Variants in PPA2 observed in about 807,000 individuals in gnomAD.
The protein encoded by PPA2 is inorganic pyrophosphatase 2, also known as inorganic pyrophosphatase 2, mitochondrial.
In PPA2, 48 loss-of-function variants were observed where a neutral mutation model predicts 49.5. The ratio of observed to expected loss-of-function variants is 0.97; its 90% CI spans 0.77 to 1.23. The LOEUF (loss-of-function observed/expected upper bound fraction) is 1.23, where lower values mean the gene tolerates loss of function less well. Ranked by LOEUF, PPA2 falls within the 50% of genes most tolerant of loss-of-function variation. The pLI is 0.00. For synonymous variants in PPA2, 131 were observed against 139.9 expected (o/e 0.94, Z 0.45); for missense variants, 429 against 410.1 (o/e 1.05, Z -0.40).
Position 105,472,792 on chromosome 4 carries a change from AAT to A in PPA2, c.157+1100_157+1101del, listed in dbSNP as rs1578898486. Among the ~76,000 whole-genome samples the A allele has an allele frequency of 2.6e-5, 4 of 152,372 alleles. No individual in the cohort carries two copies. The East Asian group carries it at 7.7e-4, about 29-fold the overall frequency. On this transcript the variant is annotated intron_variant, in intron 1 of 11. Transcript: ENST00000341695. ...CCTAAACTCATGTAGCATAACTGCA[AAT>A]CTCTCATAAATTACAAATATCTATA... is the stretch of plus-strand genomic sequence containing the variant.
intron 6 of PPA2, among the ~76,000 whole-genome samples, chr4:105,431,844 G>A (rs1204165920): frequency 6.6e-6 from 1 of 152,188 alleles, no homozygotes; most frequent in Non-Finnish European, 1.5e-5. Context: ...TACATATCAT[G>A]TGAGACCATT....
chr4:105,455,956 G>A (rs940366124), intron 2 of PPA2: 2 of 193,760 alleles, frequency 1.0e-5, no homozygotes, highest in Non-Finnish European at 2.2e-5. Context: ...GGATTTTAAG[G>A]AAATAACCTA....
intron 7 of PPA2, 197 bp from the exon 8 acceptor site, chr4:105,399,361 C>T: frequency 2.1e-6 from 1 of 478,928 alleles, no homozygotes; most frequent in Non-Finnish European, 3.6e-6. Context: ...ATGTATAATA[C>T]TATTCCTGCA....
In PPA2 at chr4:105,416,021, T is replaced by C. The variant is rs186098337; in HGVS notation, c.655+8175A>G. On this transcript the variant is annotated intron_variant, in intron 7 of 11. Coordinates refer to ENST00000341695, the MANE Select transcript of PPA2 (RefSeq NM_176869.3). ...GAATAAATATCAAAATTGTTACCAA[T>C]TATTCTACATCCAGGACTAGAATGT... Among the ~76,000 whole-genome samples the C allele has an allele frequency of 5.3e-5, 8 of 152,304 alleles. No homozygotes were observed. The East Asian group carries it at 7.7e-4, about 15-fold the overall frequency.
chr4:105,465,577 AG>A (rs1367877390), intron 1 of PPA2, among the ~76,000 whole-genome samples: 2 of 152,162 alleles, frequency 1.3e-5, no homozygotes, highest in African/African-American at 4.8e-5. Context: ...ATTGCATGTG[AG>A]GCCAATTTCT....
intron 7 of PPA2, among the ~76,000 whole-genome samples, chr4:105,402,577 CAG>C (rs1306039998): frequency 2.0e-5 from 3 of 152,132 alleles, no homozygotes; most frequent in South Asian, 2.1e-4. Context: ...AGTGAAAAAA[CAG>C]AAAGTATTAG....
intron 4 of PPA2, chr4:105,447,933 A>AT (rs1722481184): frequency 4.7e-6 from 1 of 213,656 alleles, no homozygotes; most frequent in Non-Finnish European, 9.6e-6. Flanking sequence ...TTTAGTAGAG[A>AT]TGGGGTTTTG....
chr4:105,420,024 G>A (rs1723185125), intron 7 of PPA2, among the ~76,000 whole-genome samples: 1 of 151,632 alleles, frequency 6.6e-6, no homozygotes, highest in Admixed American at 6.6e-5. Flanking sequence ...CTAGGCTGGA[G>A]TGCAATGGCG....
chr4:105,386,567 C>T lies in PPA2; in HGVS notation c.939G>A (p.Ser313=), dbSNP rs751225265. The change falls in exon 10 of 12, where the codon TCG becomes TCA. Residue 313 remains serine (S), a splice_region_variant and synonymous_variant. Transcript: ENST00000341695. ...GATGTCTTGGATGTTTGCCCCTTAC[C>T]GATTCAACTAATGATCTTGCTTCCT... ...TQEEARSLVE[S]VSSSPNKESN... is the part of the protein sequence containing the mutation. 6.2e-6 allele frequency: 10 copies of T among 1,608,834 alleles called. No homozygotes were observed. The highest frequency in any genetic ancestry group is 2.2e-5 in the East Asian group (1 of 44,720).
intron 7 of PPA2, among the ~76,000 whole-genome samples, chr4:105,416,418 A>G (rs2110258890): frequency 6.6e-6 from 1 of 152,308 alleles, no homozygotes; most frequent in East Asian, 1.9e-4. Context: ...TCCAAAGGGG[A>G]GGAAAAAAGA....
rs147954254 is a variant in PPA2, at chr4:105,412,823, T to G, written c.655+11373A>C. Among the ~76,000 whole-genome samples the G allele has an allele frequency of 2.0e-5, 3 of 152,180 alleles. No individual in the cohort carries two copies. The South Asian group carries it at 6.2e-4, about 32-fold the overall frequency. On this transcript the variant is annotated intron_variant, in intron 7 of 11. Transcript: ENST00000341695. ...AGTTAGAATGGCAATCATTAAAAAG[T>G]CAGGAAACAACAGATGCTGGAGAGG...
intron 10 of PPA2, among the ~76,000 whole-genome samples, chr4:105,372,153 G>A (rs1299317698): frequency 6.6e-6 from 1 of 152,180 alleles, no homozygotes; most frequent in Admixed American, 6.5e-5. Context: ...GGATTCCAGG[G>A]TCCTGGGTAG....
At position 105,465,499 on chromosome 4, in the gene PPA2, T is replaced by C. The variant is rs1347438441; in HGVS notation, c.157+8395A>G. ...TAGATCTATCATTTTCTGGATCCCA[T>C]GCATTCACGTTTTTTTGGTTTACTT... is the stretch of plus-strand genomic sequence containing the variant. On this transcript the variant is annotated intron_variant, in intron 1 of 11. Transcript: ENST00000341695. 2.0e-5 allele frequency among the ~76,000 whole-genome samples: 3 copies of C among 149,982 alleles called. No individual in the cohort carries two copies. The East Asian group carries it at 5.9e-4, about 29-fold the overall frequency.
At chr4:105,427,013 T>C (rs965369028) in intron 6 of PPA2, among the ~76,000 whole-genome samples, 4 of 152,114 alleles carry the variant, frequency 2.6e-5, no homozygotes, top group Admixed American at 1.3e-4. Context: ...CAGGCAGCAA[T>C]ATTTGCTGTT....
intron 10 of PPA2, among the ~76,000 whole-genome samples, chr4:105,372,743 A>G (rs72665984): frequency 1.3e-5 from 2 of 152,130 alleles, no homozygotes; most frequent in Admixed American, 1.3e-4. Context: ...CACCAGCCCA[A>G]CTGCAAATTT....
chr4:105,403,170 T>C (rs569846517), intron 7 of PPA2, among the ~76,000 whole-genome samples: 1 of 152,212 alleles, frequency 6.6e-6, no homozygotes, highest in South Asian at 2.1e-4. Flanking sequence ...ACTACAAGTG[T>C]GCACCACCAT....
At chr4:105,423,508 C>A in intron 7 of PPA2, 1 of 152,104 alleles carries the variant, frequency 6.6e-6, no homozygotes, top group East Asian at 1.9e-4. Flanking sequence ...CTTATATTGC[C>A]AACAACTTTA....
chr4:105,454,391 C>T (rs912498352), intron 2 of PPA2, among the ~76,000 whole-genome samples: 2 of 151,960 alleles, frequency 1.3e-5, no homozygotes, highest in African/African-American at 4.8e-5. Context: ...AGTGCAGTGG[C>T]GCAATCTTGG....
chr4:105,388,832 AAAAG>A lies in PPA2; in HGVS notation c.870-2200_870-2197del, dbSNP rs869196136. Among the ~76,000 whole-genome samples the A allele has an allele frequency of 1.9e-3, 236 of 123,300 alleles. 5 individuals are homozygous for A. Among genetic ancestry groups the A allele is most frequent in the South Asian group, 0.011 (39 of 3,434 alleles). The allele number at this position is 123,300 out of a possible 152,430, so 80.9% of individuals were successfully genotyped here. Reference sequence around the variant, plus strand: ...AGAGCAAGGCAACGTCTCCAAAAAAAAAAGAAAAAAAAAAAAATTAGCTGTTTTA... The same window carrying A: ...AGAGCAAGGCAACGTCTCCAAAAAAAAAAAAAAAAAAAATTAGCTGTTTTA... On this transcript the variant is annotated intron_variant, in intron 9 of 11. Coordinates refer to ENST00000341695, the MANE Select transcript of PPA2 (RefSeq NM_176869.3).
Sources: gnomAD v4.1 joint callset for allele counts (sites outside exome capture counted in the v4.1 genomes callset) on GRCh38, gnomAD v4.1.1 for gene constraint, MANE v1.5 for transcripts, NCBI Gene and HGNC (gene_info 2026-07-23, HGNC 2026-07-21) for gene names.